FYCO1: variants seen among roughly 807,000 people sequenced by gnomAD.
The protein encoded by FYCO1 is FYVE and coiled-coil domain autophagy adaptor 1.
A neutral mutation model predicts 165.1 loss-of-function variants in FYCO1; 122 were observed. That is an observed-to-expected ratio of 0.74 (90% CI 0.64 to 0.86). The LOEUF (loss-of-function observed/expected upper bound fraction) is 0.86, where lower values mean the gene tolerates loss of function less well. Ranked by LOEUF, FYCO1 falls within the 40% of genes least tolerant of loss-of-function variation. The pLI, the probability that FYCO1 is intolerant of heterozygous loss-of-function variation, is 0.00. For missense variants in FYCO1, 1,702 were observed against 1,810.3 expected, an observed-to-expected ratio of 0.94 and a Z score of 1.09; for synonymous variants, 648 against 742.5, an observed-to-expected ratio of 0.87 and a Z score of 2.07.
chr3:45,938,273 GA>G (rs1422992831), intron 14 of FYCO1: 24 of 1,283,320 alleles, frequency 1.9e-5, no homozygotes, highest in Non-Finnish European at 2.3e-5. Context: ...AGTGAGGTAG[GA>G]ATGGGATAGG....
intron 8 of FYCO1, 31 bp downstream of exon 8, chr3:45,966,246 G>A: frequency 6.2e-7 from 1 of 1,608,946 alleles, no homozygotes. Flanking sequence ...AGGGAGAGGG[G>A]TAGAGCCCAA....
chr3:45,979,555 A>C, intron 4 of FYCO1, 150 bp downstream of exon 4: 1 of 903,424 alleles, frequency 1.1e-6, no homozygotes, highest in South Asian at 1.3e-5. Context: ...CCACTGCAAC[A>C]ATGGGCATTG....
At chr3:45,975,474 T>C in intron 4 of FYCO1, 129 bp from the exon 5 acceptor site, 1 of 717,002 alleles carries the variant, frequency 1.4e-6, no homozygotes, top group Non-Finnish European at 2.5e-6. Context: ...CCCTATACGT[T>C]GTCCTTCAAA....
chr3:45,935,106 C>G (rs1423718821), intron 15 of FYCO1, among the ~76,000 whole-genome samples: 1 of 152,172 alleles, frequency 6.6e-6, no homozygotes, highest in African/African-American at 2.4e-5. Context: ...TATTCTCTCA[C>G]GACCACATCT....
rs1302976793 is a variant in FYCO1, at chr3:45,968,703, T to A, written c.631A>T (p.Thr211Ser). 6.2e-7 allele frequency: 1 copy of A among 1,614,050 alleles called. No individual in the cohort carries two copies. Among genetic ancestry groups the A allele is most frequent in the Non-Finnish European group, 8.5e-7 (1 of 1,180,038 alleles). ...MSSLVSSYLQ[T>S]QEMVSNFDLN... Reference sequence around the variant, plus strand: ...TCAAAGTTGGACACCATCTCTTGAGTCTGGGAGGGAAAACACAAAAGACAA... The same window carrying A: ...TCAAAGTTGGACACCATCTCTTGAGACTGGGAGGGAAAACACAAAAGACAA... Residue 211 changes from threonine to serine, a missense_variant and splice_region_variant, in exon 8 of 18, where the codon ACT becomes TCT. Thr to Ser is a moderately conservative substitution (Grantham distance 58). Transcript: ENST00000296137.
chr3:45,964,445 C>T lies in FYCO1; in HGVS notation c.3160G>A (p.Ala1054Thr), dbSNP rs1366890707. ...CAGCTCAGCTTCTCTCCCATGTCTG[C>T]TTGGGTGGCCTGGCACAGGACGTCA... The part of the protein sequence containing the change: ...EAVEKLKATQ[A>T]DMGEKLSCTS... The change falls in exon 10 of 18, where the codon GCA (alanine) becomes ACA (threonine). Residue 1054 changes from alanine (A) to threonine (T), a missense_variant. Physicochemically the swap from Ala to Thr is moderately conservative, Grantham distance 58 (BLOSUM62 0). Transcript: ENST00000296137. The surrounding 1 kb of genome is among the most constrained non-coding windows in gnomAD (Gnocchi z 4.1). 2 of 1,614,018 alleles carry T rather than the reference C, an allele frequency of 1.2e-6. No homozygotes were observed. The highest frequency in any genetic ancestry group is 8.5e-7 in the Non-Finnish European group (1 of 1,179,904).
rs139192007 is a variant in FYCO1, at chr3:45,966,387, C to T, written c.2947G>A (p.Ala983Thr). The T allele has an allele frequency of 1.2e-5, 19 of 1,613,758 alleles. No homozygotes were observed. The highest frequency in any genetic ancestry group is 6.7e-5 in the African/African-American group (5 of 74,926). The change falls in exon 8 of 18, where the codon GCC becomes ACC. Residue 983 changes from alanine (A) to threonine (T), a missense_variant. Coordinates refer to ENST00000296137, the MANE Select transcript of FYCO1 (RefSeq NM_024513.4). ...GSLPGLQAQL[A>T]QAEQRAQSLQ... Reference sequence around the variant, plus strand: ...CTCTGGGCCCGCTGCTCTGCCTGGGCGAGCTGGGCCTGCAGGCCAGGCAGT... The same window carrying T: ...CTCTGGGCCCGCTGCTCTGCCTGGGTGAGCTGGGCCTGCAGGCCAGGCAGT...
intron 16 of FYCO1, among the ~76,000 whole-genome samples, chr3:45,924,307 C>T (rs986959107): frequency 6.6e-6 from 1 of 152,192 alleles, no homozygotes; most frequent in South Asian, 2.1e-4. Flanking sequence ...AGGACCCTTT[C>T]ATCTTCCCGT....
rs956093823 is a variant in FYCO1 at position 45,946,209 on chromosome 3, C to G, written c.3944+9040G>C. 44 of 406,794 alleles carry G rather than the reference C, an allele frequency of 1.1e-4. No homozygotes were observed. In the Admixed American group the frequency reaches 1.6e-3, roughly 15 times the overall value. The allele number at this position is 406,794 out of a possible 1,614,324, so 25.2% of individuals were successfully genotyped here. ...GATTTTATGGAATGTGCTTAGGGGT[C>G]AGTTATGAGTTGTCTCCCAGATGGG... On this transcript the variant is annotated intron_variant, in intron 14 of 17. Coordinates refer to ENST00000296137, the MANE Select transcript of FYCO1 (RefSeq NM_024513.4).
chr3:45,955,926 A>G (rs1393623593), intron 13 of FYCO1, among the ~76,000 whole-genome samples: 1 of 152,200 alleles, frequency 6.6e-6, no homozygotes, highest in Non-Finnish European at 1.5e-5. Flanking sequence ...CTTGTGTCCG[A>G]CTGTGCAAAC....
chr3:45,931,416 C>T (rs1703622619), intron 15 of FYCO1, 135 bp from the exon 16 acceptor site: 2 of 781,530 alleles, frequency 2.6e-6, no homozygotes, highest in Non-Finnish European at 4.4e-6. Context: ...TAACCTTGGC[C>T]AACATGCTTA....
chr3:45,946,763 A>T (rs1704637158), intron 14 of FYCO1: 1 of 1,614,170 alleles, frequency 6.2e-7, no homozygotes. Flanking sequence ...GCATCCATGA[A>T]TGGGTGTTTG....
In FYCO1 at chr3:45,966,812, T is replaced by C. The variant is rs1352543981; in HGVS notation, c.2522A>G (p.His841Arg). ...CGAGCATTGCAGCAGCTCCTGGACA[T>C]GGGCTCTGTTAAGGGCTTCATTCTG... ...KEQNEALNRAHVQELLQCSER... is the reference protein window; with the variant it reads ...KEQNEALNRARVQELLQCSER... Residue 841 changes from histidine to arginine, a missense_variant, in exon 8 of 18, where the codon CAT (histidine) becomes CGT (arginine). Physicochemically the swap from His to Arg is conservative, Grantham distance 29. Coordinates refer to ENST00000296137, the MANE Select transcript of FYCO1 (RefSeq NM_024513.4). The C allele has an allele frequency of 2.5e-6, 4 of 1,610,480 alleles. No individual in the cohort carries two copies. Among genetic ancestry groups the C allele is most frequent in the Admixed American group, 3.3e-5 (2 of 60,030 alleles).
intron 1 of FYCO1, among the ~76,000 whole-genome samples, chr3:45,991,307 T>G (rs1707550992): frequency 6.6e-6 from 1 of 152,216 alleles, no homozygotes; most frequent in Non-Finnish European, 1.5e-5. Context: ...ACTGCCTACC[T>G]AGCCTCTCTT....
At chr3:45,924,616 T>C (rs1030418942) in intron 16 of FYCO1, among the ~76,000 whole-genome samples, 1 of 152,116 alleles carries the variant, frequency 6.6e-6, no homozygotes, top group South Asian at 2.1e-4. Flanking sequence ...ACATTTTTTT[T>C]TCCTTTTTTT....
In FYCO1 at chr3:45,920,296, A is replaced by G. The variant is rs1374946885; in HGVS notation, c.*1469T>C. On this transcript the variant is annotated 3_prime_UTR_variant, in exon 18 of 18. Transcript: ENST00000296137. ...CAGCCAGACCAGGGTTATGACAAAG[A>G]GAAACTTTGGGAAATGTGTGACTGG... 6.6e-6 allele frequency: 1 copy of G among 152,176 alleles called. No individual in the cohort carries two copies. The highest frequency in any genetic ancestry group is 2.1e-4 in the South Asian group (1 of 4,818). 9.4% of individuals were successfully genotyped at this position (152,176 alleles called of 1,614,324 possible). A position where few individuals can be genotyped will look rare whatever the true frequency, so the allele number is the denominator to read the frequency against.
chr3:45,944,109 G>A (rs958604972), intron 14 of FYCO1, among the ~76,000 whole-genome samples: 1 of 152,148 alleles, frequency 6.6e-6, no homozygotes, highest in African/African-American at 2.4e-5. Flanking sequence ...ACTCTTATGT[G>A]AGGGCCCACA....
At chr3:45,922,267 C>T (rs559108415) in intron 17 of FYCO1, among the ~76,000 whole-genome samples, 2 of 152,356 alleles carry the variant, frequency 1.3e-5, no homozygotes, top group African/African-American at 4.8e-5. Flanking sequence ...CTCAAGTAGG[C>T]CCCTGAGATG....
rs1444869999 is a variant in FYCO1, at chr3:45,964,419, G to A, written c.3186C>T (p.Cys1062=). ...TQADMGEKLS[C]TSNHLAECQA... ...GGCACTCTGCAAGATGGTTGCTAGT[G>A]CAGCTCAGCTTCTCTCCCATGTCTG... The change falls in exon 10 of 18, where the codon TGC becomes TGT. Residue 1062 remains cysteine, a synonymous_variant. Transcript: ENST00000296137. The surrounding 1 kb of genome is among the most constrained non-coding windows in gnomAD (Gnocchi z 4.1). The A allele has an allele frequency of 6.2e-7, 1 of 1,614,086 alleles. No individual in the cohort carries two copies. Among genetic ancestry groups the A allele is most frequent in the Non-Finnish European group, 8.5e-7 (1 of 1,179,950 alleles).
Sources: allele counts gnomAD v4.1 joint callset (sites outside exome capture counted in the v4.1 genomes callset), GRCh38; gene constraint gnomAD v4.1.1; non-coding constraint Gnocchi (gnomAD v3.1); transcripts MANE v1.5; gene names NCBI Gene and HGNC (gene_info 2026-07-23, HGNC 2026-07-21).